The following STON2 variants were observed in gnomAD, a reference collection of about 807,000 sequenced individuals.
STON2 encodes stonin-2.
Under a neutral mutation model 65.7 loss-of-function variants are expected in STON2, and 29 were observed. The observed-to-expected ratio is 0.44, with a 90% CI of 0.33 to 0.60. The LOEUF (loss-of-function observed/expected upper bound fraction) is 0.60. STON2 is among the 20% of genes least tolerant of loss of function. The probability of loss-of-function intolerance (pLI) is 0.03; values close to 1 mark genes in which losing one functional copy is unlikely to be tolerated. For synonymous variants in STON2, 404 were observed against 414.2 expected, an observed-to-expected ratio of 0.98 and a Z score of 0.30; for missense variants, 1,054 against 1,118.1, an observed-to-expected ratio of 0.94 and a Z score of 0.82.
chr14:81,423,516 C>A (rs553306237), intron 2 of STON2, among the ~76,000 whole-genome samples: 14 of 152,262 alleles, frequency 9.2e-5, no homozygotes, highest in African/African-American at 3.4e-4. Context: ...AGGAGCCCAG[C>A]AGAAGGAAGC....
In STON2 at chr14:81,278,099, A is replaced by G; in HGVS notation, c.1383T>C (p.Asp461=). The G allele has an allele frequency of 6.2e-7, 1 of 1,614,210 alleles. No homozygotes were observed. Among genetic ancestry groups the G allele is most frequent in the Non-Finnish European group, 8.5e-7 (1 of 1,180,036 alleles). Residue 461 remains aspartate, a synonymous_variant, in exon 6 of 8, where the codon GAT becomes GAC. Transcript: ENST00000614646. ...DHFGSATLPD[D]DPVAWIELDA... ...CTAGTTCAATCCAGGCTACTGGGTC[A>G]TCATCAGGTAGAGTTGCACTGCCAA...
At chr14:81,316,801 A>G (rs1595343141) in intron 5 of STON2, among the ~76,000 whole-genome samples, 1 of 152,150 alleles carries the variant, frequency 6.6e-6, no homozygotes, top group African/African-American at 2.4e-5. Flanking sequence ...CGGGTGGATC[A>G]CGAGGTCAAG....
intron 5 of STON2, among the ~76,000 whole-genome samples, chr14:81,310,031 G>A (rs1048096489): frequency 6.6e-6 from 1 of 152,086 alleles, no homozygotes; most frequent in Non-Finnish European, 1.5e-5. Flanking sequence ...AATACCCCAG[G>A]AATCAATTTC....
rs916694597 is a variant in STON2, at chr14:81,267,234, T to C, written c.*1180A>G. ...CAGAAACAGATGAAGAAAAAGAAGATGGAGTGAGCGTTCTGACTCTTGGAA... is the reference window on the plus strand; with the variant it reads ...CAGAAACAGATGAAGAAAAAGAAGACGGAGTGAGCGTTCTGACTCTTGGAA... On this transcript the variant is annotated 3_prime_UTR_variant, in exon 8 of 8. Coordinates refer to ENST00000614646, the MANE Select transcript of STON2 (RefSeq NM_001394390.1). The C allele has an allele frequency of 8.1e-6, 8 of 985,192 alleles. No homozygotes were observed. Among genetic ancestry groups the C allele is most frequent in the Admixed American group, 6.1e-5 (1 of 16,262 alleles). 61.0% of individuals were successfully genotyped at this position (985,192 alleles called of 1,614,324 possible). A position where few individuals can be genotyped will look rare whatever the true frequency, so the allele number is the denominator to read the frequency against.
intron 2 of STON2, among the ~76,000 whole-genome samples, chr14:81,409,279 C>A (rs771763434): frequency 2.0e-5 from 3 of 151,914 alleles, no homozygotes; most frequent in Non-Finnish European, 4.4e-5. Context: ...GTGGTGTGCG[C>A]CCATAATTCC....
rs1894362196 is a variant in STON2, at chr14:81,266,468, C to A, written c.*1946G>T. ...TCCCTCCTTGTCTGCACTCCCTTTC[C>A]AGCTATACCTTCTGTTCCTTCAGGG... is the stretch of plus-strand genomic sequence containing the variant. On this transcript the variant is annotated 3_prime_UTR_variant, in exon 8 of 8. Transcript: ENST00000614646. 1 of 163,428 alleles carries A rather than the reference C, an allele frequency of 6.1e-6. No homozygotes were observed. The highest frequency in any genetic ancestry group is 2.4e-5 in the African/African-American group (1 of 41,646). 10.1% of individuals were successfully genotyped at this position (163,428 alleles called of 1,614,324 possible).
intron 4 of STON2, among the ~76,000 whole-genome samples, chr14:81,329,972 G>A (rs1897149996): frequency 6.6e-6 from 1 of 152,190 alleles, no homozygotes; most frequent in Non-Finnish European, 1.5e-5. Context: ...CCTTTGTAGG[G>A]TAAGGCAGCT....
intron 7 of STON2, among the ~76,000 whole-genome samples, chr14:81,268,938 G>A (rs1011022030): frequency 7.9e-5 from 12 of 152,184 alleles, no homozygotes; most frequent in African/African-American, 1.7e-4. Flanking sequence ...GTGGGCAATC[G>A]ACAAAGATTT....
At chr14:81,355,517 G>C (rs1037078748) in intron 4 of STON2, among the ~76,000 whole-genome samples, 4 of 152,104 alleles carry the variant, frequency 2.6e-5, no homozygotes, top group Non-Finnish European at 4.4e-5. Flanking sequence ...AAAGAAACCT[G>C]CCAACCAAGA....
intron 4 of STON2, among the ~76,000 whole-genome samples, chr14:81,368,044 C>T (rs4417499): frequency 0.037 from 5,577 of 152,242 alleles, 166 homozygotes; most frequent in Middle Eastern, 0.068. Context: ...GCCTGCTACA[C>T]ATCTTGTTTT....
At chr14:81,415,003 A>G (rs560908160) in intron 2 of STON2, among the ~76,000 whole-genome samples, 1 of 152,198 alleles carries the variant, frequency 6.6e-6, no homozygotes, top group East Asian at 1.9e-4. Flanking sequence ...CTCTGGGAAC[A>G]AAGTCAGGTG....
intron 2 of STON2, among the ~76,000 whole-genome samples, chr14:81,396,549 G>A (rs1183864324): frequency 6.6e-6 from 1 of 152,114 alleles, no homozygotes; most frequent in Non-Finnish European, 1.5e-5. Context: ...GGACTGGTGG[G>A]GACTGTGGCT....
chr14:81,431,555 C>T (rs1438522193), intron 1 of STON2, among the ~76,000 whole-genome samples: 1 of 152,004 alleles, frequency 6.6e-6, no homozygotes, highest in Non-Finnish European at 1.5e-5. Flanking sequence ...AAGGTGGACA[C>T]ATTACCTGAG....
At chr14:81,420,721 T>C (rs1053121773) in intron 2 of STON2, among the ~76,000 whole-genome samples, 15 of 151,962 alleles carry the variant, frequency 9.9e-5, no homozygotes, top group African/African-American at 3.6e-4. Context: ...GTGGAGAAAA[T>C]GGACATTCCA....
intron 6 of STON2, among the ~76,000 whole-genome samples, chr14:81,273,404 T>C (rs915586508): frequency 7.2e-5 from 11 of 152,194 alleles, no homozygotes; most frequent in African/African-American, 2.7e-4. Flanking sequence ...GATGAACATA[T>C]TGGGACTGTT....
intron 7 of STON2, among the ~76,000 whole-genome samples, chr14:81,268,937 C>A (rs547283779): frequency 1.4e-4 from 21 of 152,124 alleles, no homozygotes; most frequent in Non-Finnish European, 2.9e-5. Context: ...AGTGGGCAAT[C>A]GACAAAGATT....
chr14:81,329,036 G>T (rs1897105508), intron 4 of STON2, among the ~76,000 whole-genome samples: 1 of 152,148 alleles, frequency 6.6e-6, no homozygotes, highest in African/African-American at 2.4e-5. Context: ...CGATGTTGAA[G>T]TCCTAATCCC....
rs1894859992 is a variant in STON2, at chr14:81,277,080, C to T, written c.2402G>A (p.Arg801Lys). 1.9e-6 allele frequency: 3 copies of T among 1,614,106 alleles called. No individual in the cohort carries two copies. In the African/African-American group the frequency reaches 4.0e-5, roughly 22 times the overall value. Reference protein sequence around the residue: ...VPSEWVKNFRRESVLGEKSLK... With the variant: ...VPSEWVKNFRKESVLGEKSLK... ...AGACTTTTCCCCCAGGACACTTTCC[C>T]TGCGGAAGTTTTTCACCCACTCACT... The change falls in exon 6 of 8, where the codon AGG becomes AAG. Residue 801 changes from arginine (R) to lysine (K), a missense_variant. Physicochemically the swap from Arg to Lys is conservative, Grantham distance 26 (BLOSUM62 2). Coordinates refer to ENST00000614646, the MANE Select transcript of STON2 (RefSeq NM_001394390.1).
chr14:81,291,088 A>G (rs1461832832), intron 5 of STON2, among the ~76,000 whole-genome samples: 2 of 152,176 alleles, frequency 1.3e-5, no homozygotes, highest in East Asian at 3.8e-4. Flanking sequence ...TTAGTTATCA[A>G]TCCAACAGAG....
Sources: gnomAD v4.1 joint callset for allele counts (sites outside exome capture counted in the v4.1 genomes callset) on GRCh38, gnomAD v4.1.1 for gene constraint, MANE v1.5 for transcripts, NCBI Gene and HGNC (gene_info 2026-07-23, HGNC 2026-07-21) for gene names.